The following ANK2 variants were observed in gnomAD, a reference collection of about 807,000 sequenced individuals.
The protein encoded by ANK2 is ankyrin 2.
In ANK2, 83 loss-of-function variants were observed where a neutral mutation model predicts 360.5. The observed-to-expected ratio is 0.23, with a 90% CI of 0.19 to 0.28. The LOEUF is 0.28. Ranked by LOEUF, ANK2 falls within the 10% of genes least tolerant of loss-of-function variation. ANK2 has a pLI of 1.00. For synonymous variants in ANK2, 1,740 were observed against 1,759.5 expected (o/e 0.99, Z 0.28); for missense variants, 4,201 against 4,795.7 (o/e 0.88, Z 3.66).
Position 113,108,275 on chromosome 4 carries a change from A to C in ANK2, c.84+58463A>C, listed in dbSNP as rs533636917. ...TAAATATTTTCGAAGCTTCCTCCCCAATCTTTTTGATTTGTTTCAGACATA... is the reference window on the plus strand; with the variant it reads ...TAAATATTTTCGAAGCTTCCTCCCCCATCTTTTTGATTTGTTTCAGACATA... On this transcript the variant is annotated intron_variant, in intron 1 of 45. Transcript: ENST00000357077. Among the ~76,000 whole-genome samples the C allele has an allele frequency of 1.1e-3, 175 of 152,224 alleles. 1 individual carries two copies. In the South Asian group the frequency reaches 0.014, roughly 12 times the overall value.
the ANK2 span, among the ~76,000 whole-genome samples, chr4:112,721,371 C>G: frequency 6.6e-6 from 1 of 151,942 alleles, no homozygotes; most frequent in Middle Eastern, 3.4e-3. Flanking sequence ...GAAACCCTGT[C>G]TCTACTAAAA....
rs150506758 is a variant in ANK2, at chr4:112,935,955, A to G, written c.21+31441A>G. 2.8e-3 allele frequency among the ~76,000 whole-genome samples: 433 copies of G among 152,364 alleles called. 3 individuals are homozygous for G. Among genetic ancestry groups the G allele is most frequent in the Admixed American group, 9.0e-3 (137 of 15,304 alleles). ...TTCACAGCAAGAGACAAGGAAAGAC[A>G]TACAGAAATTAAAAATTTACAAAGC... is the stretch of plus-strand genomic sequence containing the variant. On this transcript the variant is annotated intron_variant, in intron 2 of 30. Transcript: ENST00000503271.
chr4:113,090,482 T>G (rs1318592379), intron 1 of ANK2, among the ~76,000 whole-genome samples: 2 of 152,156 alleles, frequency 1.3e-5, no homozygotes, highest in Non-Finnish European at 2.9e-5. Context: ...CTGAACTATC[T>G]GTTCTTAAAT....
In ANK2 at chr4:113,186,560, GTCTC is replaced by G. The variant is rs932864935; in HGVS notation, c.187-9784_187-9781del. ...CCTCCCCTCCTGGATATCTTCCCGT[GTCTC>G]TCTCTCTCTCTCTCTCTCTCTCTTC... On this transcript the variant is annotated intron_variant, in intron 2 of 45. Transcript: ENST00000357077. Among the ~76,000 whole-genome samples, 92 of 71,594 alleles carry G rather than the reference GTCTC, an allele frequency of 1.3e-3. 1 individual carries two copies. Among genetic ancestry groups the G allele is most frequent in the South Asian group, 1.9e-3 (4 of 2,074 alleles). The allele number at this position is 71,594 out of a possible 152,430, so 47.0% of individuals were successfully genotyped here.
chr4:112,938,127 T>A (rs1005316267), intron 2 of ANK2, among the ~76,000 whole-genome samples: 1 of 152,232 alleles, frequency 6.6e-6, no homozygotes, highest in Admixed American at 6.5e-5. Context: ...ATCATGTGAC[T>A]ACATGTGTCC....
intron 1 of ANK2, among the ~76,000 whole-genome samples, chr4:113,145,330 A>C (rs1158764078): frequency 2.6e-5 from 4 of 152,218 alleles, no homozygotes; most frequent in African/African-American, 4.8e-5. Flanking sequence ...AGCAATTACA[A>C]AAATAATTTT....
chr4:112,928,379 A>G (rs1416424300), intron 2 of ANK2, among the ~76,000 whole-genome samples: 1 of 152,002 alleles, frequency 6.6e-6, no homozygotes, highest in African/African-American at 2.4e-5. Context: ...GTAGTTATCT[A>G]GTATAGTACT....
At position 113,223,848 on chromosome 4, in the gene ANK2, A is replaced by T. The variant is rs185778090; in HGVS notation, c.385-8313A>T. Among the ~76,000 whole-genome samples the T allele has an allele frequency of 2.6e-5, 4 of 152,296 alleles. No individual in the cohort carries two copies. In the East Asian group the frequency reaches 7.7e-4, roughly 29 times the overall value. On this transcript the variant is annotated intron_variant, in intron 4 of 45. Transcript: ENST00000357077. ...GCTTAGTTGTGCAGAGTTTCTCATA[A>T]GGTTGTAGTGAAGATGTTAACCAGA...
At chr4:112,715,524 G>A in the ANK2 span, among the ~76,000 whole-genome samples, 2 of 152,170 alleles carry the variant, frequency 1.3e-5, no homozygotes, top group African/African-American at 4.8e-5. Context: ...TTTGTCATCG[G>A]ATCAGGAGGT....
At chr4:112,815,655 C>G (rs868104835), upstream of ANK2, among the ~76,000 whole-genome samples, 34 of 152,158 alleles carry the variant, frequency 2.2e-4, 1 homozygote, top group Admixed American at 1.3e-3. Flanking sequence ...CACCACACCT[C>G]CATAGAGGGG....
chr4:113,199,449 C>T (rs2098797799), intron 4 of ANK2, among the ~76,000 whole-genome samples: 1 of 152,072 alleles, frequency 6.6e-6, no homozygotes, highest in Admixed American at 6.5e-5. Flanking sequence ...AAAGTATTCT[C>T]TTTCCGTAAA....
At chr4:112,875,394 C>A (rs1424746867) in intron 1 of ANK2, among the ~76,000 whole-genome samples, 1 of 151,726 alleles carries the variant, frequency 6.6e-6, no homozygotes, top group Non-Finnish European at 1.5e-5. Flanking sequence ...GCTCACTGCA[C>A]CCTTGAACTC....
chr4:113,140,573 A>G lies in ANK2; in HGVS notation c.85-33843A>G, dbSNP rs576099312. ...GAATAATCCTTGGATCTTGGAGGAGAGAAAAAAATTTAATTCAATGACTCT... is the reference window on the plus strand; with the variant it reads ...GAATAATCCTTGGATCTTGGAGGAGGGAAAAAAATTTAATTCAATGACTCT... On this transcript the variant is annotated intron_variant, in intron 1 of 45. Transcript: ENST00000357077. 2.0e-5 allele frequency among the ~76,000 whole-genome samples: 3 copies of G among 152,326 alleles called. No homozygotes were observed. In the South Asian group the frequency reaches 6.2e-4, roughly 32 times the overall value.
At chr4:113,181,603 G>T (rs2098415973) in intron 2 of ANK2, among the ~76,000 whole-genome samples, 1 of 152,176 alleles carries the variant, frequency 6.6e-6, no homozygotes, top group Non-Finnish European at 1.5e-5. Context: ...TACAGCAGGG[G>T]AGAAGGAGAG....
intron 1 of ANK2, among the ~76,000 whole-genome samples, chr4:112,839,501 G>C (rs1243160310): frequency 1.3e-5 from 2 of 152,196 alleles, no homozygotes. Context: ...TCTTTAAAGA[G>C]TAGATGATAC....
chr4:112,768,401 A>C, the ANK2 span, among the ~76,000 whole-genome samples: 3 of 151,880 alleles, frequency 2.0e-5, no homozygotes, highest in African/African-American at 4.8e-5. Flanking sequence ...CTACAGGCTC[A>C]TGCCACCATG....
chr4:113,005,003 A>G (rs12508918), intron 2 of ANK2, among the ~76,000 whole-genome samples: 23,627 of 152,234 alleles, frequency 0.16, 2,269 homozygotes, highest in East Asian at 0.39. Context: ...TTTAACTAAG[A>G]CATGAAAACA....
chr4:113,145,791 T>G, intron 1 of ANK2: 6 of 1,255,176 alleles, frequency 4.8e-6, no homozygotes, highest in Non-Finnish European at 5.1e-6. Flanking sequence ...TTGCCCACAT[T>G]AGTGTACCCC....
intron 20 of ANK2, among the ~76,000 whole-genome samples, chr4:113,290,748 A>G (rs1226154062): frequency 1.3e-5 from 2 of 152,236 alleles, no homozygotes; most frequent in African/African-American, 2.4e-5. Flanking sequence ...TCCTTCATCA[A>G]ACTTGAAATC....
Sources: allele counts gnomAD v4.1 joint callset (sites outside exome capture counted in the v4.1 genomes callset), GRCh38; gene constraint gnomAD v4.1.1; transcripts MANE v1.5; gene names NCBI Gene and HGNC (gene_info 2026-07-23, HGNC 2026-07-21).